ABCB4: variants seen among roughly 807,000 people sequenced by gnomAD.
ABCB4 encodes the protein phosphatidylcholine translocator ABCB4.
In ABCB4, 76 loss-of-function variants were observed where a neutral mutation model predicts 145.7. The ratio of observed to expected loss-of-function variants is 0.52; its 90% CI spans 0.43 to 0.63. The LOEUF (loss-of-function observed/expected upper bound fraction) is 0.63, where lower values mean the gene tolerates loss of function less well. Among genes scored for constraint, ABCB4 ranks in the 30% least tolerant of loss-of-function variants. The pLI is 0.00. For synonymous variants in ABCB4, 517 were observed against 566.8 expected (o/e 0.91, Z 1.25); for missense variants, 1,234 against 1,553.1 (o/e 0.79, Z 3.45).
At chr7:87,392,609 A>G in the ABCB4 span, 2 of 1,613,596 alleles carry the variant, frequency 1.2e-6, no homozygotes, top group Non-Finnish European at 1.7e-6. Context: ...TTTGCAAAGC[A>G]TAATAAAATG....
At chr7:87,472,796 C>A in intron 2 of ABCB4, 121 bp from the exon 3 acceptor site, 1 of 770,788 alleles carries the variant, frequency 1.3e-6, no homozygotes, top group Non-Finnish European at 2.2e-6. Context: ...GAGTGATGTT[C>A]ACAAAATGTC....
chr7:87,419,636 C>T (rs1408121228), intron 19 of ABCB4, among the ~76,000 whole-genome samples: 1 of 152,058 alleles, frequency 6.6e-6, no homozygotes, highest in East Asian at 1.9e-4. Context: ...CTAGGTTTTT[C>T]TTGGTTTAAA....
At chr7:87,447,365 G>A (rs1482866588) in intron 8 of ABCB4, among the ~76,000 whole-genome samples, 160 bp from the exon 9 acceptor site, 4 of 152,196 alleles carry the variant, frequency 2.6e-5, no homozygotes, top group African/African-American at 9.7e-5. Flanking sequence ...ACTAATTCAG[G>A]ATCAGCCAGG....
intron 19 of ABCB4, among the ~76,000 whole-genome samples, chr7:87,419,158 G>T (rs1456988648): frequency 6.6e-6 from 1 of 152,162 alleles, no homozygotes; most frequent in Non-Finnish European, 1.5e-5. Context: ...AATTTTAATT[G>T]TAAGCTACTC....
downstream of ABCB4, among the ~76,000 whole-genome samples, chr7:87,397,624 C>T (rs1376367442): frequency 6.6e-6 from 1 of 152,122 alleles, no homozygotes; most frequent in African/African-American, 2.4e-5. Context: ...GAGAATGATT[C>T]GTGATCATGA....
chr7:87,426,912 T>C lies in ABCB4; in HGVS notation c.1902A>G (p.Gly634=). 2 of 1,613,046 alleles carry C rather than the reference T, an allele frequency of 1.2e-6. No homozygotes were observed. Among genetic ancestry groups the C allele is most frequent in the Non-Finnish European group, 1.7e-6 (2 of 1,179,772 alleles). The change falls in exon 16 of 28, where the codon GGA becomes GGG. Residue 634 remains glycine (G), a synonymous_variant. Coordinates refer to ENST00000649586, the MANE Select transcript of ABCB4 (RefSeq NM_000443.4). ...CAAATTCTTCTGACTGGATCTGGCT[T>C]CCTGATGTCTGAAAGAATATCAAGA... ...YFKLVNMQTS[G]SQIQSEEFEL... is the part of the protein sequence containing the mutation.
chr7:87,466,951 A>G (rs1290148304), intron 3 of ABCB4, among the ~76,000 whole-genome samples: 1 of 152,204 alleles, frequency 6.6e-6, no homozygotes, highest in East Asian at 1.9e-4. Context: ...AAACATACCA[A>G]ATTGTAAAGA....
At chr7:87,376,033 T>C in the ABCB4 span, 3 of 1,381,014 alleles carry the variant, frequency 2.2e-6, no homozygotes, top group Non-Finnish European at 2.9e-6. Flanking sequence ...GAAGTTTTTT[T>C]TCTTTTTCTA....
chr7:87,409,214 C>T, intron 24 of ABCB4, 22 bp downstream of exon 24: 1 of 1,613,804 alleles, frequency 6.2e-7, no homozygotes, highest in South Asian at 1.1e-5. Flanking sequence ...GATCAAGCAT[C>T]ATCAGGCATC....
intron 22 of ABCB4, 50 bp from the exon 23 acceptor site, chr7:87,412,083 C>T (rs368692582): frequency 1.6e-5 from 26 of 1,609,576 alleles, no homozygotes; most frequent in Middle Eastern, 1.6e-4. Flanking sequence ...CCTCCTTTAG[C>T]GCTGTGTAGT....
At chr7:87,470,290 A>T (rs1306087134) in intron 3 of ABCB4, among the ~76,000 whole-genome samples, 1 of 152,224 alleles carries the variant, frequency 6.6e-6, no homozygotes, top group East Asian at 1.9e-4. Context: ...AGGCAATACC[A>T]TTCAGGACAT....
At chr7:87,383,696 C>A in the ABCB4 span, among the ~76,000 whole-genome samples, 4 of 151,994 alleles carry the variant, frequency 2.6e-5, no homozygotes, top group African/African-American at 4.8e-5. Context: ...GGGGTTTCGT[C>A]GTGTTGGCCA....
rs77823347 is a variant in ABCB4, at chr7:87,458,987, T to TAA, written c.286+3769_286+3770dup. Among the ~76,000 whole-genome samples the TAA allele has an allele frequency of 2.1e-4, 25 of 120,710 alleles. 1 individual carries two copies. The highest frequency in any genetic ancestry group is 1.2e-3 in the East Asian group (5 of 4,304). The allele number at this position is 120,710 out of a possible 152,430, so 79.2% of individuals were successfully genotyped here. A position where few individuals can be genotyped will look rare whatever the true frequency, so the allele number is the denominator to read the frequency against. ...TTCAGTTTCATAATTAGGCACAAGT[T>TAA]AAAAAAAAAAAAAAAAGCAAACTGC... On this transcript the variant is annotated intron_variant, in intron 4 of 27. Coordinates refer to ENST00000649586, the MANE Select transcript of ABCB4 (RefSeq NM_000443.4).
At chr7:87,451,586 G>A (rs138748174) in intron 7 of ABCB4, 37 bp downstream of exon 7, 1 of 1,608,918 alleles carries the variant, frequency 6.2e-7, no homozygotes, top group East Asian at 2.2e-5. Flanking sequence ...CTGTGTGCAG[G>A]GGTTAACACA....
At position 87,443,415 on chromosome 7, in the gene ABCB4, C is replaced by T; in HGVS notation, c.1260G>A (p.Gln420=). The stretch of plus-strand genomic sequence containing the variant: ...CAACCAGGGCCACCGTCTGCCCACT[C>T]TGCACCTTCAGGTTGAGGCCCTTCA... The part of the protein sequence containing the change: ...KILKGLNLKV[Q]SGQTVALVGS... The change falls in exon 12 of 28, where the codon CAG becomes CAA. Residue 420 remains glutamine, a synonymous_variant. Transcript: ENST00000649586. 2 of 1,614,050 alleles carry T rather than the reference C, an allele frequency of 1.2e-6. No homozygotes were observed. The highest frequency in any genetic ancestry group is 1.7e-6 in the Non-Finnish European group (2 of 1,180,020).
chr7:87,466,247 C>T (rs1017090525), intron 3 of ABCB4, among the ~76,000 whole-genome samples: 4 of 152,004 alleles, frequency 2.6e-5, no homozygotes, highest in Admixed American at 6.6e-5. Flanking sequence ...AACTATGTGA[C>T]GAAAGCACAA....
chr7:87,466,023 C>A (rs1584789390), intron 3 of ABCB4, among the ~76,000 whole-genome samples: 1 of 152,164 alleles, frequency 6.6e-6, no homozygotes, highest in Non-Finnish European at 1.5e-5. Flanking sequence ...CAGCTCCTCA[C>A]CAGCAATGGA....
chr7:87,420,700 G>A (rs1463987395), intron 18 of ABCB4, among the ~76,000 whole-genome samples: 4 of 152,126 alleles, frequency 2.6e-5, no homozygotes, highest in Admixed American at 6.5e-5. Flanking sequence ...GACCAAATAC[G>A]AATTCAAAGC....
chr7:87,463,122 T>C (rs1028400132), intron 3 of ABCB4, among the ~76,000 whole-genome samples: 1 of 152,184 alleles, frequency 6.6e-6, no homozygotes. Context: ...TTATGTTTAA[T>C]TGGTATCTGA....
Sources: gnomAD v4.1 joint callset for allele counts (sites outside exome capture counted in the v4.1 genomes callset) on GRCh38, gnomAD v4.1.1 for gene constraint, MANE v1.5 for transcripts, NCBI Gene and HGNC (gene_info 2026-07-23, HGNC 2026-07-21) for gene names.